Variants in GAD2 observed in about 807,000 individuals in gnomAD.
GAD2 encodes the protein 65 kDa glutamic acid decarboxylase.
Under a neutral mutation model 80.1 loss-of-function variants are expected in GAD2, and 22 were observed. The ratio of observed to expected loss-of-function variants is 0.27; its 90% confidence interval spans 0.20 to 0.39. GAD2 has a LOEUF of 0.39. Ranked by LOEUF, GAD2 falls within the 10% of genes least tolerant of loss-of-function variation. The probability of loss-of-function intolerance (pLI) is 1.00; values close to 1 mark genes in which losing one functional copy is unlikely to be tolerated. For missense variants in GAD2, 624 were observed against 738.4 expected (o/e 0.85, Z 1.80); for synonymous variants, 274 against 256.9 (o/e 1.07, Z -0.64).
intron 6 of GAD2, among the ~76,000 whole-genome samples, chr10:26,225,375 C>T (rs1315186847): frequency 2.0e-5 from 3 of 152,112 alleles, no homozygotes; most frequent in South Asian, 2.1e-4. Flanking sequence ...TGTGTGTGAC[C>T]TTGGTTTGAT....
Position 26,302,518 on chromosome 10 carries a change from A to G in GAD2, c.*1557A>G, listed in dbSNP as rs1834338271. 6.6e-6 allele frequency: 1 copy of G among 152,240 alleles called. No homozygotes were observed. The highest frequency in any genetic ancestry group is 2.4e-5 in the African/African-American group (1 of 41,462). 9.4% of individuals were successfully genotyped at this position (152,240 alleles called of 1,614,324 possible). A position where few individuals can be genotyped will look rare whatever the true frequency, so the allele number is the denominator to read the frequency against. On this transcript the variant is annotated 3_prime_UTR_variant, in exon 16 of 16. Coordinates refer to ENST00000376261, the MANE Select transcript of GAD2 (RefSeq NM_001134366.2). Reference sequence around the variant, plus strand: ...GATTCCAAGTGCTGATTGGAGAACAATAGATTGATATGCAGACTGCAAATG... The same window carrying G: ...GATTCCAAGTGCTGATTGGAGAACAGTAGATTGATATGCAGACTGCAAATG...
chr10:26,266,215 C>A (rs1407776563), intron 8 of GAD2, among the ~76,000 whole-genome samples: 1 of 152,198 alleles, frequency 6.6e-6, no homozygotes, highest in Non-Finnish European at 1.5e-5. Flanking sequence ...CCAGTTCCTG[C>A]AACACTGCTT....
intron 15 of GAD2, among the ~76,000 whole-genome samples, chr10:26,296,017 A>G (rs1834269904): frequency 6.6e-6 from 1 of 152,240 alleles, no homozygotes; most frequent in African/African-American, 2.4e-5. Context: ...TGGGTAGCTT[A>G]TAAGCACAGA....
chr10:26,238,901 C>T (rs925099658), intron 7 of GAD2, among the ~76,000 whole-genome samples: 3 of 151,494 alleles, frequency 2.0e-5, no homozygotes, highest in Non-Finnish European at 4.4e-5. Context: ...TAGGAGCAAG[C>T]GAATGGAGGT....
intron 8 of GAD2, among the ~76,000 whole-genome samples, chr10:26,253,936 G>A (rs982613989): frequency 2.0e-5 from 3 of 152,302 alleles, no homozygotes; most frequent in African/African-American, 7.2e-5. Flanking sequence ...GGACAGGGCT[G>A]TGAGGGGCGG....
chr10:26,235,950 T>C (rs1287888388), intron 7 of GAD2, among the ~76,000 whole-genome samples: 1 of 152,172 alleles, frequency 6.6e-6, no homozygotes, highest in Non-Finnish European at 1.5e-5. Flanking sequence ...TAACAAACAG[T>C]GGCTCTTTAG....
Position 26,224,660 on chromosome 10 carries a change from T to A in GAD2, c.724+9T>A, listed in dbSNP as rs1371013906. 4 of 1,575,738 alleles carry A rather than the reference T, an allele frequency of 2.5e-6. No homozygotes were observed. In the South Asian group the frequency reaches 4.4e-5, roughly 18 times the overall value. Reference sequence around the variant, plus strand: ...TGGGATATTTTCTCCCGGTACATGATATTTCAACTTTCTTTGTGTTTTTTC... The same window carrying A: ...TGGGATATTTTCTCCCGGTACATGAAATTTCAACTTTCTTTGTGTTTTTTC... On this transcript the variant is annotated intron_variant, in intron 6 of 15. Transcript: ENST00000376261.
intron 7 of GAD2, among the ~76,000 whole-genome samples, chr10:26,235,423 T>G (rs75781276): frequency 0.037 from 5,599 of 152,272 alleles, 338 homozygotes; most frequent in African/African-American, 0.13. Context: ...AGCTACCCAC[T>G]TCTTTTCTGG....
intron 7 of GAD2, among the ~76,000 whole-genome samples, chr10:26,231,964 C>A (rs1294353278): frequency 6.6e-6 from 1 of 152,170 alleles, no homozygotes; most frequent in African/African-American, 2.4e-5. Context: ...CAACCTTAAC[C>A]TAATCACATC....
At chr10:26,279,627 T>C in intron 11 of GAD2, among the ~76,000 whole-genome samples, 1 of 152,218 alleles carries the variant, frequency 6.6e-6, no homozygotes, top group East Asian at 1.9e-4. Flanking sequence ...ACACAATTGC[T>C]GAATCCAGAT....
In GAD2 at chr10:26,217,768, T is replaced by G; in HGVS notation, c.137-74T>G. On this transcript the variant is annotated intron_variant, in intron 2 of 15. Transcript: ENST00000376261. This position sits in a 1 kb window ranked among gnomAD's most constrained non-coding sequence, Gnocchi z 4.9. The stretch of plus-strand genomic sequence containing the variant: ...GTCAGCGGAGTCGGGGTTTCCTGGC[T>G]GCGGGTAGGCGGGAGCGAGGGAGCC... The G allele has an allele frequency of 1.3e-6, 2 of 1,582,238 alleles. No homozygotes were observed. The highest frequency in any genetic ancestry group is 2.3e-5 in the South Asian group (2 of 88,246).
chr10:26,276,705 G>T (rs7067571), intron 11 of GAD2, among the ~76,000 whole-genome samples: 64,673 of 152,068 alleles, frequency 0.43, 17,602 homozygotes, highest in African/African-American at 0.78. Context: ...TCAGACTGAC[G>T]CGTCTTTAGT....
chr10:26,229,727 G>C lies in GAD2; in HGVS notation c.790G>C (p.Glu264Gln). Reference sequence around the variant, plus strand: ...CTTTAAGATGTTCCCAGAAGTCAAGGAGAAAGGAATGGCTGCTCTTCCCAG... The same window carrying C: ...CTTTAAGATGTTCCCAGAAGTCAAGCAGAAAGGAATGGCTGCTCTTCCCAG... ...ARFKMFPEVKEKGMAALPRLI... is the reference protein window; with the variant it reads ...ARFKMFPEVKQKGMAALPRLI... The change falls in exon 7 of 16, where the codon GAG becomes CAG. Residue 264 changes from glutamate (E) to glutamine (Q), a missense_variant. By Grantham distance (29) the Glu-to-Gln change is conservative. Transcript: ENST00000376261. The C allele has an allele frequency of 6.2e-7, 1 of 1,614,184 alleles. No individual in the cohort carries two copies. The highest frequency in any genetic ancestry group is 8.5e-7 in the Non-Finnish European group (1 of 1,180,036).
rs575130060 is a variant in GAD2 at position 26,291,644 on chromosome 10, T to C, written c.1387-821T>C. On this transcript the variant is annotated intron_variant, in intron 13 of 15. Transcript: ENST00000376261. ...TTACTGGTAGGCAGGTTCAAAGTGC[T>C]TCTGAGATGAGCACTGGCTTTTACT... 3.9e-5 allele frequency among the ~76,000 whole-genome samples: 6 copies of C among 152,274 alleles called. No homozygotes were observed. The East Asian group carries it at 1.2e-3, about 29-fold the overall frequency.
Position 26,217,682 on chromosome 10 carries a change from G to T in GAD2, c.136+13G>T. ...AACAAACTGTGCGGTGAGTGCCCAG[G>T]GACCGGGGCGGCCAAGGTCGGCCCG... On this transcript the variant is annotated intron_variant, in intron 2 of 15. Transcript: ENST00000376261. This position sits in a 1 kb window ranked among gnomAD's most constrained non-coding sequence, Gnocchi z 4.9. The T allele has an allele frequency of 6.2e-7, 1 of 1,612,772 alleles. No homozygotes were observed. Among genetic ancestry groups the T allele is most frequent in the South Asian group, 1.1e-5 (1 of 90,806 alleles).
At chr10:26,262,894 C>T (rs1201511327) in intron 8 of GAD2, among the ~76,000 whole-genome samples, 7 of 151,322 alleles carry the variant, frequency 4.6e-5, no homozygotes, top group East Asian at 3.9e-4. Flanking sequence ...GGAAGAGGGA[C>T]GGTAGTTTGG....
intron 7 of GAD2, among the ~76,000 whole-genome samples, chr10:26,232,607 C>T (rs1844618531): frequency 6.6e-6 from 1 of 151,718 alleles, no homozygotes; most frequent in Non-Finnish European, 1.5e-5. Context: ...AGAGATTCCT[C>T]CTGCCTCAGC....
At chr10:26,246,131 G>A (rs933641289) in intron 8 of GAD2, 131 bp downstream of exon 8, 33 of 665,274 alleles carry the variant, frequency 5.0e-5, no homozygotes, top group African/African-American at 7.4e-5. Flanking sequence ...TGCAGCCTTC[G>A]TTTCTTTTTA....
intron 15 of GAD2, among the ~76,000 whole-genome samples, chr10:26,293,261 T>A (rs1157678422): frequency 5.0e-5 from 7 of 141,336 alleles, no homozygotes; most frequent in African/African-American, 1.8e-4. Flanking sequence ...CACTGCATCC[T>A]CCACCTCCCG....
Sources: gnomAD v4.1 joint callset for allele counts (sites outside exome capture counted in the v4.1 genomes callset) on GRCh38, gnomAD v4.1.1 for gene constraint, Gnocchi (gnomAD v3.1) non-coding constraint, MANE v1.5 for transcripts, NCBI Gene and HGNC (gene_info 2026-07-23, HGNC 2026-07-21) for gene names.